The following TTC13 variants were observed in gnomAD, a reference collection of about 807,000 sequenced individuals.
TTC13 encodes the protein tetratricopeptide repeat domain 13, also known as tetratricopeptide repeat protein 13.
TTC13 carries 62 observed loss-of-function variants against 120.0 expected under a neutral mutation model. The observed-to-expected ratio is 0.52, with a 90% CI of 0.42 to 0.64. TTC13 has a LOEUF of 0.64. TTC13 is among the 30% of genes least tolerant of loss of function. The pLI is 0.00. For missense variants in TTC13, 824 were observed against 1,050.2 expected (o/e 0.78, Z 2.98); for synonymous variants, 384 against 393.5 (o/e 0.98, Z 0.28).
chr1:230,940,541 C>G lies in TTC13; in HGVS notation c.688G>C (p.Gly230Arg). 1 of 1,610,694 alleles carries G rather than the reference C, an allele frequency of 6.2e-7. No individual in the cohort carries two copies. Among genetic ancestry groups the G allele is most frequent in the Non-Finnish European group, 8.5e-7 (1 of 1,177,598 alleles). Residue 230 changes from glycine to arginine, a missense_variant, in exon 7 of 23, where the codon GGA (glycine) becomes CGA (arginine). Coordinates refer to ENST00000366661, the MANE Select transcript of TTC13 (RefSeq NM_024525.5). The surrounding 1 kb of genome is among the most constrained non-coding windows in gnomAD (Gnocchi z 4.1). ...EQRAEILSPL[G>R]RINEAVNDLT... ...TCATTCACTGCTTCATTAATTCGTC[C>G]CAGAGGGGACAGAATCTAGAAATCC...
chr1:230,926,831 T>C (rs1345960358), intron 12 of TTC13, among the ~76,000 whole-genome samples: 1 of 152,248 alleles, frequency 6.6e-6, no homozygotes, highest in East Asian at 1.9e-4. Context: ...GAGCAATTCA[T>C]GCAGTTGTAT....
At chr1:230,921,188 T>C (rs1408539171) in intron 16 of TTC13, among the ~76,000 whole-genome samples, 1 of 152,162 alleles carries the variant, frequency 6.6e-6, no homozygotes, top group African/African-American at 2.4e-5. Flanking sequence ...AGAAAGAGAC[T>C]AGAAAAGTCA....
At chr1:230,974,273 G>T (rs1164999362) in intron 1 of TTC13, among the ~76,000 whole-genome samples, 2 of 152,054 alleles carry the variant, frequency 1.3e-5, no homozygotes, top group African/African-American at 2.4e-5. Context: ...ACCTCTTAAA[G>T]TAGCACCTAC....
intron 1 of TTC13, among the ~76,000 whole-genome samples, chr1:230,963,089 C>CA (rs1305145871): frequency 8.6e-5 from 13 of 151,276 alleles, no homozygotes; most frequent in African/African-American, 1.9e-4. Context: ...TAGATTATTG[C>CA]AAAAAAAGAT....
At chr1:230,915,199 C>T (rs561434538) in intron 18 of TTC13, among the ~76,000 whole-genome samples, 4 of 152,208 alleles carry the variant, frequency 2.6e-5, no homozygotes, top group East Asian at 1.9e-4. Context: ...AGAGGTGGCT[C>T]CTTGTAGTTT....
intron 13 of TTC13, 126 bp from the exon 14 acceptor site, chr1:230,925,099 C>A: frequency 8.3e-7 from 1 of 1,203,364 alleles, no homozygotes; most frequent in Non-Finnish European, 1.2e-6. Flanking sequence ...GGTGATATAA[C>A]AAGACCCAAG....
Position 230,978,678 on chromosome 1 carries a change from C to G in TTC13, c.153G>C (p.Pro51=). ...PGALATEHYS[P]LSLLKQELQH... ...GCAGCTCCTGCTTGAGCAGGGAGAGCGGCGAGTAGTGCTCGGTGGCCAGGG... is the reference window on the plus strand; with the variant it reads ...GCAGCTCCTGCTTGAGCAGGGAGAGGGGCGAGTAGTGCTCGGTGGCCAGGG... Residue 51 remains proline (P), a synonymous_variant, in exon 1 of 23, where the codon CCG becomes CCC. Transcript: ENST00000366661. This position sits in a 1 kb window ranked among gnomAD's most constrained non-coding sequence, Gnocchi z 5.6. 1 of 1,487,028 alleles carries G rather than the reference C, an allele frequency of 6.7e-7. No individual in the cohort carries two copies. The highest frequency in any genetic ancestry group is 1.5e-5 in the African/African-American group (1 of 68,414). The allele number at this position is 1,487,028 out of a possible 1,614,324, so 92.1% of individuals were successfully genotyped here.
intron 4 of TTC13, among the ~76,000 whole-genome samples, chr1:230,946,522 G>A (rs1034958205): frequency 1.5e-4 from 23 of 152,170 alleles, no homozygotes; most frequent in African/African-American, 5.6e-4. Flanking sequence ...CTGGCATATC[G>A]CTGGCCACAA....
chr1:230,916,363 A>G, intron 17 of TTC13, 61 bp from the exon 18 acceptor site: 1 of 1,184,690 alleles, frequency 8.4e-7, no homozygotes, highest in Non-Finnish European at 1.3e-6. Flanking sequence ...CCCCAACTGC[A>G]ACTCTGTAGT....
Position 230,908,723 on chromosome 1 carries a change from C to A in TTC13, c.2457G>T (p.Met819Ile). ...EAFSKVAKSWMNLKSISPSYK... is the reference protein window; with the variant it reads ...EAFSKVAKSWINLKSISPSYK... ...CCTCAAGTAGTTACCTTTTCAAGTT[C>A]ATCCAGCTTTTGGCGACTTTGCTAA... Residue 819 changes from methionine to isoleucine, a missense_variant, in exon 22 of 23, where the codon ATG becomes ATT. Transcript: ENST00000366661. 6.2e-7 allele frequency: 1 copy of A among 1,613,426 alleles called. No homozygotes were observed. The highest frequency in any genetic ancestry group is 1.1e-5 in the South Asian group (1 of 91,054).
intron 3 of TTC13, among the ~76,000 whole-genome samples, chr1:230,955,608 T>C (rs2102941864): frequency 6.8e-6 from 1 of 148,068 alleles, no homozygotes; most frequent in Non-Finnish European, 1.5e-5. Context: ...GAGGCGGAGC[T>C]TGCAGTGAGC....
chr1:230,932,296 A>AT (rs34062590), intron 9 of TTC13, among the ~76,000 whole-genome samples: 27,446 of 146,566 alleles, frequency 0.19, 2,651 homozygotes, highest in East Asian at 0.4. Context: ...TTAAAAATGC[A>AT]TTTTTTTTTT....
chr1:230,913,543 C>T (rs1479353993), intron 18 of TTC13, among the ~76,000 whole-genome samples: 2 of 152,064 alleles, frequency 1.3e-5, no homozygotes, highest in Non-Finnish European at 2.9e-5. Context: ...GTTGCAGAGG[C>T]AGGGTCTCAC....
Position 230,931,291 on chromosome 1 carries a change from G to T in TTC13, c.1300+7C>A. 1 of 1,611,512 alleles carries T rather than the reference G, an allele frequency of 6.2e-7. No individual in the cohort carries two copies. Among genetic ancestry groups the T allele is most frequent in the South Asian group, 1.1e-5 (1 of 90,670 alleles). On this transcript the variant is annotated splice_region_variant and intron_variant, in intron 11 of 22. Coordinates refer to ENST00000366661, the MANE Select transcript of TTC13 (RefSeq NM_024525.5). ...AAATCCAACAATTCTGTGATTTTCT[G>T]ACTTACCTCGGAGATACTTTACTTT...
At chr1:230,953,605 T>A (rs1675787782) in intron 4 of TTC13, among the ~76,000 whole-genome samples, 1 of 152,160 alleles carries the variant, frequency 6.6e-6, no homozygotes, top group Non-Finnish European at 1.5e-5. Flanking sequence ...AGAAGCAAAG[T>A]GGATTAGAAT....
intron 18 of TTC13, 129 bp from the exon 19 acceptor site, chr1:230,912,887 T>A: frequency 1.3e-6 from 1 of 796,214 alleles, no homozygotes; most frequent in Non-Finnish European, 1.9e-6. Context: ...GTACCTTACC[T>A]TTCTAACTAT....
intron 4 of TTC13, among the ~76,000 whole-genome samples, chr1:230,947,030 C>G (rs1227458134): frequency 6.6e-6 from 1 of 151,836 alleles, no homozygotes; most frequent in Non-Finnish European, 1.5e-5. Context: ...AGATATATTC[C>G]CACTGTACTT....
At position 230,940,224 on chromosome 1, in the gene TTC13, G is replaced by A. The variant is rs558806123; in HGVS notation, c.789+216C>T. Among the ~76,000 whole-genome samples the A allele has an allele frequency of 6.6e-6, 1 of 152,260 alleles. No homozygotes were observed. Among genetic ancestry groups the A allele is most frequent in the South Asian group, 2.1e-4 (1 of 4,830 alleles). ...TTTTTTAAATGCCAGTCCAGAATTA[G>A]TTATTGCTGACAGCTCAAACAAGAA... On this transcript the variant is annotated intron_variant, in intron 7 of 22. Transcript: ENST00000366661. This position sits in a 1 kb window ranked among gnomAD's most constrained non-coding sequence, Gnocchi z 4.1.
At chr1:230,914,544 G>C in intron 18 of TTC13, among the ~76,000 whole-genome samples, 1 of 151,962 alleles carries the variant, frequency 6.6e-6, no homozygotes, top group East Asian at 1.9e-4. Context: ...ACAGGTGCGC[G>C]CCACCAGGCC....
Sources: gnomAD v4.1 joint callset for allele counts (sites outside exome capture counted in the v4.1 genomes callset) on GRCh38, gnomAD v4.1.1 for gene constraint, Gnocchi (gnomAD v3.1) non-coding constraint, MANE v1.5 for transcripts, NCBI Gene and HGNC (gene_info 2026-07-23, HGNC 2026-07-21) for gene names.